Variants in NSD3 observed in about 807,000 individuals in gnomAD.
The protein encoded by NSD3 is nuclear receptor binding SET domain protein 3.
In NSD3, 24 loss-of-function variants were observed where a neutral mutation model predicts 160.8. The observed-to-expected ratio is 0.15, with a 90% CI of 0.11 to 0.21. NSD3 has a LOEUF of 0.21. Among genes scored for constraint, NSD3 ranks in the 10% least tolerant of loss-of-function variants. The probability of loss-of-function intolerance (pLI) is 1.00; values close to 1 mark genes in which losing one functional copy is unlikely to be tolerated. For missense variants in NSD3, 1,157 were observed against 1,735.9 expected (o/e 0.67, Z 5.93); for synonymous variants, 520 against 600.0 (o/e 0.87, Z 1.95).
At chr8:38,362,256 CGGGGGGGGGGG>C (rs796989324) in intron 1 of NSD3, among the ~76,000 whole-genome samples, 1 of 2,914 alleles carries the variant, frequency 3.4e-4, no homozygotes, top group Non-Finnish European at 1.1e-3. Flanking sequence ...TACAGTAAGG[CGGGGGGGGGGG>C]GGGGGGCACA....
In NSD3 at chr8:38,337,294, C is replaced by T. The variant is rs749888900; in HGVS notation, c.910+11G>A. The T allele has an allele frequency of 6.3e-7, 1 of 1,589,758 alleles. No homozygotes were observed. The highest frequency in any genetic ancestry group is 1.2e-5 in the South Asian group (1 of 86,266). On this transcript the variant is annotated intron_variant, in intron 4 of 23. Transcript: ENST00000317025. Reference sequence around the variant, plus strand: ...ACCTTTTACTTAGTATCTGTTTATGCCTTTTCTTACCTCTTGTGTTAATTT... The same window carrying T: ...ACCTTTTACTTAGTATCTGTTTATGTCTTTTCTTACCTCTTGTGTTAATTT...
At chr8:38,332,575 C>T (rs945233945) in intron 4 of NSD3, among the ~76,000 whole-genome samples, 1 of 152,168 alleles carries the variant, frequency 6.6e-6, no homozygotes. Flanking sequence ...GGCAATGCTA[C>T]TCTGAAATTG....
At chr8:38,306,870 T>A (rs1408890695) in intron 12 of NSD3, among the ~76,000 whole-genome samples, 1 of 152,022 alleles carries the variant, frequency 6.6e-6, no homozygotes, top group Non-Finnish European at 1.5e-5. Context: ...ATCCCAGCAC[T>A]TTGGGAGGCC....
At chr8:38,351,710 T>C (rs1003097424) in intron 1 of NSD3, among the ~76,000 whole-genome samples, 1 of 151,480 alleles carries the variant, frequency 6.6e-6, no homozygotes, top group Non-Finnish European at 1.5e-5. Flanking sequence ...GATGAGTTCA[T>C]GTCCTTTGTA....
chr8:38,299,431 T>A lies in NSD3; in HGVS notation c.2758+13A>T. ...GCAAAAATAAAAGCAAGAGAAACTA[T>A]TTTGATTATTACCTTTCTCACATTT... On this transcript the variant is annotated intron_variant, in intron 15 of 23. Transcript: ENST00000317025. 1 of 1,606,106 alleles carries A rather than the reference T, an allele frequency of 6.2e-7. No homozygotes were observed. Among genetic ancestry groups the A allele is most frequent in the Admixed American group, 1.7e-5 (1 of 58,456 alleles).
chr8:38,300,017 A>G (rs1809243345), intron 14 of NSD3, among the ~76,000 whole-genome samples: 2 of 151,986 alleles, frequency 1.3e-5, no homozygotes, highest in Admixed American at 1.3e-4. Flanking sequence ...TACCTTCAAT[A>G]TATCAAGTAG....
At chr8:38,364,542 G>A (rs1811063244) in intron 1 of NSD3, among the ~76,000 whole-genome samples, 1 of 152,098 alleles carries the variant, frequency 6.6e-6, no homozygotes, top group Admixed American at 6.6e-5. Flanking sequence ...TCATTCTAGG[G>A]GTAGACCTGA....
In NSD3 at chr8:38,272,874, TTTCTC is replaced by T. The variant is rs1259006214; in HGVS notation, c.*2762_*2766del. The T allele has an allele frequency of 2.0e-5, 3 of 152,200 alleles. No individual in the cohort carries two copies. The highest frequency in any genetic ancestry group is 2.9e-5 in the Non-Finnish European group (2 of 68,040). 9.4% of individuals were successfully genotyped at this position (152,200 alleles called of 1,614,324 possible). A position where few individuals can be genotyped will look rare whatever the true frequency, so the allele number is the denominator to read the frequency against. ...TACTCATGCACACATAAAGGACAAT[TTTCTC>T]TTTCTGCATCTATAATCTGCAACTT... On this transcript the variant is annotated 3_prime_UTR_variant, in exon 24 of 24. Coordinates refer to ENST00000317025, the MANE Select transcript of NSD3 (RefSeq NM_023034.2).
chr8:38,352,697 T>C (rs1461691015), intron 1 of NSD3, among the ~76,000 whole-genome samples: 1 of 152,050 alleles, frequency 6.6e-6, no homozygotes, highest in Non-Finnish European at 1.5e-5. Context: ...AGCCTTGACT[T>C]CCTGGGTTCA....
rs1165139834 is a variant in NSD3 at position 38,318,803 on chromosome 8, C to G, written c.1855+92G>C. On this transcript the variant is annotated intron_variant, in intron 9 of 23. Coordinates refer to ENST00000317025, the MANE Select transcript of NSD3 (RefSeq NM_023034.2). The surrounding 1 kb of genome is among the most constrained non-coding windows in gnomAD (Gnocchi z 5.3). ...CACACTGAAGAGCAACAACGATTTA[C>G]AGAGACAGACAAAAATACATGAAGT... 7 of 1,259,592 alleles carry G rather than the reference C, an allele frequency of 5.6e-6. No homozygotes were observed. In the East Asian group the frequency reaches 7.0e-5, roughly 13 times the overall value. The allele number at this position is 1,259,592 out of a possible 1,614,324, so 78.0% of individuals were successfully genotyped here.
intron 1 of NSD3, among the ~76,000 whole-genome samples, chr8:38,370,127 A>G (rs967380558): frequency 6.6e-6 from 1 of 152,170 alleles, no homozygotes; most frequent in African/African-American, 2.4e-5. Flanking sequence ...GTTTTGTTAA[A>G]CGGCTTAAGC....
At chr8:38,314,587 T>C in intron 12 of NSD3, 60 bp downstream of exon 12, 1 of 1,607,368 alleles carries the variant, frequency 6.2e-7, no homozygotes, top group East Asian at 2.2e-5. Flanking sequence ...AGGTTGTCAG[T>C]GCACATTCCT....
Position 38,321,308 on chromosome 8 carries a change from C to A in NSD3, c.1709-136G>T. On this transcript the variant is annotated intron_variant, in intron 7 of 23. Coordinates refer to ENST00000317025, the MANE Select transcript of NSD3 (RefSeq NM_023034.2). This position sits in a 1 kb window ranked among gnomAD's most constrained non-coding sequence, Gnocchi z 4.7. ...TTTTAATTAAAATCATTAAAAAATG[C>A]TAAACATTCAGGAGCATATAAATTA... is the stretch of plus-strand genomic sequence containing the variant. The A allele has an allele frequency of 1.6e-6, 1 of 642,542 alleles. No homozygotes were observed. Among genetic ancestry groups the A allele is most frequent in the Non-Finnish European group, 2.6e-6 (1 of 388,916 alleles). 39.8% of individuals were successfully genotyped at this position (642,542 alleles called of 1,614,324 possible).
intron 15 of NSD3, 73 bp downstream of exon 15, chr8:38,299,366 ACATTT>A (rs1809229138): frequency 3.4e-6 from 5 of 1,471,062 alleles, no homozygotes; most frequent in Non-Finnish European, 3.6e-6. Context: ...TGACAGGCAT[ACATTT>A]CCCCCCTATA....
At chr8:38,358,320 C>CA (rs1195821526) in intron 1 of NSD3, among the ~76,000 whole-genome samples, 1 of 152,086 alleles carries the variant, frequency 6.6e-6, no homozygotes, top group Non-Finnish European at 1.5e-5. Context: ...TTTCACAACA[C>CA]AGAGGAAGAC....
At chr8:38,355,069 C>T (rs969010057) in intron 1 of NSD3, among the ~76,000 whole-genome samples, 3 of 152,070 alleles carry the variant, frequency 2.0e-5, no homozygotes, top group African/African-American at 7.2e-5. Flanking sequence ...GCAGACACAC[C>T]AACTGATAAA....
chr8:38,340,058 G>C (rs1810322306), intron 2 of NSD3, among the ~76,000 whole-genome samples: 1 of 151,874 alleles, frequency 6.6e-6, no homozygotes, highest in South Asian at 2.1e-4. Flanking sequence ...AATGGTGAAG[G>C]AAGATATTCT....
chr8:38,369,394 T>A (rs1397980832), intron 1 of NSD3, among the ~76,000 whole-genome samples: 1 of 152,214 alleles, frequency 6.6e-6, no homozygotes, highest in Non-Finnish European at 1.5e-5. Flanking sequence ...TGAACCAGCA[T>A]GAATTCTCTC....
intron 1 of NSD3, among the ~76,000 whole-genome samples, chr8:38,371,749 A>G (rs1811247938): frequency 6.6e-6 from 1 of 152,220 alleles, no homozygotes; most frequent in Non-Finnish European, 1.5e-5. Context: ...CAAAATTATA[A>G]TAACCAAATA....
Sources: gnomAD v4.1 joint callset for allele counts (sites outside exome capture counted in the v4.1 genomes callset) on GRCh38, gnomAD v4.1.1 for gene constraint, Gnocchi (gnomAD v3.1) non-coding constraint, MANE v1.5 for transcripts, NCBI Gene and HGNC (gene_info 2026-07-23, HGNC 2026-07-21) for gene names.